Variants in LONP1 observed in about 807,000 individuals in gnomAD.
The protein encoded by LONP1 is lon peptidase 1, mitochondrial, also known as lon protease homolog, mitochondrial.
LONP1 carries 31 observed loss-of-function variants against 98.5 expected under a neutral mutation model. That is an observed-to-expected ratio of 0.31 (90% CI 0.24 to 0.42). The LOEUF is 0.42. Ranked by LOEUF, LONP1 falls within the 20% of genes least tolerant of loss-of-function variation. LONP1 has a pLI of 1.00. For missense variants in LONP1, 1,336 were observed against 1,350.6 expected (o/e 0.99, Z 0.17); for synonymous variants, 781 against 594.7 (o/e 1.31, Z -4.56).
At chr19:5,710,618 T>A (rs1219243095) in intron 4 of LONP1, among the ~76,000 whole-genome samples, 1 of 152,068 alleles carries the variant, frequency 6.6e-6, no homozygotes, top group Non-Finnish European at 1.5e-5. Context: ...GCTCAAGTGA[T>A]CCTCCTTCCT....
chr19:5,698,489 T>C (rs1458722111), intron 10 of LONP1, among the ~76,000 whole-genome samples: 1 of 152,110 alleles, frequency 6.6e-6, no homozygotes, highest in African/African-American at 2.4e-5. Flanking sequence ...GGCGCTGAAC[T>C]CTGAGGGCCG....
At chr19:5,720,283 G>C (rs868048324), upstream of LONP1, 11 of 1,138,734 alleles carry the variant, frequency 9.7e-6, no homozygotes, top group African/African-American at 1.6e-4. Context: ...AAGAGGGGGC[G>C]GAGTTCGAGC....
intron 1 of LONP1, among the ~76,000 whole-genome samples, chr19:5,718,012 C>T (rs1244506262): frequency 6.6e-6 from 1 of 151,690 alleles, no homozygotes; most frequent in African/African-American, 2.4e-5. Context: ...GCCCAGCCCA[C>T]ATGGCCTCAT....
rs754688324 is a variant in LONP1, at chr19:5,707,793, C to A, written c.966G>T (p.Gln322His). The A allele has an allele frequency of 6.2e-7, 1 of 1,613,166 alleles. No individual in the cohort carries two copies. The highest frequency in any genetic ancestry group is 1.7e-5 in the Admixed American group (1 of 60,008). ...GGTAGATGGGGTTGTCCACCACCCG[C>A]TGGCCAGCCTGCATCATCTGCAGCA... ...ESVLQMMQAG[Q>H]RVVDNPIYLS... Residue 322 changes from glutamine (Q) to histidine (H), a missense_variant, in exon 6 of 18, where the codon CAG becomes CAT. Gln to His is a conservative substitution (Grantham distance 24). Around this residue, in one of 5 missense-constraint regions of LONP1, gnomAD observed 97 missense variants for 139.0 expected, o/e 0.70. Coordinates refer to ENST00000360614, the MANE Select transcript of LONP1 (RefSeq NM_004793.4).
chr19:5,717,888 TTTC>T (rs1245957029), intron 1 of LONP1, among the ~76,000 whole-genome samples: 16 of 137,470 alleles, frequency 1.2e-4, no homozygotes, highest in African/African-American at 2.7e-4. Context: ...CTTTTCTTTC[TTTC>T]TTTTTTTTTT....
At chr19:5,701,614 G>A (rs973338672) in intron 8 of LONP1, among the ~76,000 whole-genome samples, 1 of 152,226 alleles carries the variant, frequency 6.6e-6, no homozygotes, top group African/African-American at 2.4e-5. Flanking sequence ...ATTGCAGACG[G>A]AGTCTCGTTC....
At chr19:5,711,061 T>C (rs1599474994) in intron 4 of LONP1, among the ~76,000 whole-genome samples, 1 of 148,118 alleles carries the variant, frequency 6.8e-6, no homozygotes, top group Non-Finnish European at 1.5e-5. Flanking sequence ...CTCGCAGGGG[T>C]AGTGGGGCAG....
chr19:5,692,849 G>A (rs2054853540), intron 17 of LONP1, among the ~76,000 whole-genome samples: 3 of 152,216 alleles, frequency 2.0e-5, no homozygotes, highest in South Asian at 2.1e-4. Context: ...AGGCTTCCTA[G>A]ACACATGGCA....
upstream of LONP1, chr19:5,720,418 G>A (rs2055427243): frequency 1.7e-6 from 1 of 580,496 alleles, no homozygotes; most frequent in Non-Finnish European, 3.0e-6. Flanking sequence ...CAAACGCAAC[G>A]TTTAGGAACT....
intron 5 of LONP1, chr19:5,708,035 G>A (rs947459325): frequency 1.4e-5 from 9 of 633,194 alleles, no homozygotes; most frequent in East Asian, 8.3e-5. Context: ...GCATCCTCAC[G>A]TGCAGCCACC....
In LONP1 at chr19:5,696,474, G is replaced by A. The variant is rs565383463; in HGVS notation, c.1774-103C>T. On this transcript the variant is annotated intron_variant, in intron 11 of 17. Coordinates refer to ENST00000360614, the MANE Select transcript of LONP1 (RefSeq NM_004793.4). ...GGCTGGGGAGACCCCGAGTGAGAGC[G>A]GCACCCACACCCTGCCTTGGACGGG... The A allele has an allele frequency of 2.1e-4, 313 of 1,479,746 alleles. 3 individuals are homozygous for A. The South Asian group carries it at 2.6e-3, about 12-fold the overall frequency. 91.7% of individuals were successfully genotyped at this position (1,479,746 alleles called of 1,614,324 possible). A position where few individuals can be genotyped will look rare whatever the true frequency, so the allele number is the denominator to read the frequency against.
At chr19:5,702,721 C>CA (rs1377436575) in intron 8 of LONP1, among the ~76,000 whole-genome samples, 1 of 151,936 alleles carries the variant, frequency 6.6e-6, no homozygotes, top group Non-Finnish European at 1.5e-5. Context: ...ACCTTACCCC[C>CA]AACCCTGTGC....
chr19:5,696,402 CGCCGTGCCCCTG>C (rs1410698695), intron 11 of LONP1, 31 bp from the exon 12 acceptor site: 30 of 1,606,724 alleles, frequency 1.9e-5, no homozygotes, highest in Non-Finnish European at 2.3e-5. Flanking sequence ...TGGTGCCCCT[CGCCGTGCCCCTG>C]GCCAGCCCGC....
At position 5,694,524 on chromosome 19, in the gene LONP1, A is replaced by G. The variant is rs759513140; in HGVS notation, c.2183T>C (p.Val728Ala). 3 of 1,612,784 alleles carry G rather than the reference A, an allele frequency of 1.9e-6. No homozygotes were observed. Among genetic ancestry groups the G allele is most frequent in the Non-Finnish European group, 2.5e-6 (3 of 1,179,954 alleles). The change falls in exon 15 of 18, where the codon GTC becomes GCC. Residue 728 changes from valine (V) to alanine (A), a missense_variant. Physicochemically the swap from Val to Ala is moderately conservative, Grantham distance 64. Around this residue, in one of 5 missense-constraint regions of LONP1, gnomAD observed 555 missense variants for 542.6 expected, o/e 1.02. Transcript: ENST00000360614. ...KVLRKSAYKIVSGEAESVEVT... is the reference protein window; with the variant it reads ...KVLRKSAYKIASGEAESVEVT... ...CTCCACGGACTCGGCCTCGCCGCTG[A>G]CAATCTTGTAGGCCGATTTCCGTAA... is the stretch of plus-strand genomic sequence containing the variant.
At chr19:5,719,638 T>A (rs1192871738) in intron 1 of LONP1, 66 bp downstream of exon 1, 7 of 1,611,132 alleles carry the variant, frequency 4.3e-6, no homozygotes, top group Admixed American at 3.3e-5. Flanking sequence ...GCTCAAGTGA[T>A]CCCACGGTTC....
Position 5,711,897 on chromosome 19 carries a change from G to A in LONP1, c.744C>T (p.Asp248=), listed in dbSNP as rs767943349. The A allele has an allele frequency of 6.3e-5, 101 of 1,613,158 alleles. 2 individuals carry two copies. The South Asian group carries it at 8.8e-4, about 14-fold the overall frequency. The part of the protein sequence containing the change: ...KSKRGKKEAE[D]ELSARHPAEL... Reference sequence around the variant, plus strand: ...CCGCCGGGTGCCTGGCGCTCAGCTCGTCCTCCGCCTCCTTCTTGCCCCGCT... The same window carrying A: ...CCGCCGGGTGCCTGGCGCTCAGCTCATCCTCCGCCTCCTTCTTGCCCCGCT... The change falls in exon 4 of 18, where the codon GAC becomes GAT. Residue 248 remains aspartate (D), a synonymous_variant. Coordinates refer to ENST00000360614, the MANE Select transcript of LONP1 (RefSeq NM_004793.4).
At chr19:5,706,843 T>C (rs1410436736) in intron 7 of LONP1, among the ~76,000 whole-genome samples, 1 of 152,252 alleles carries the variant, frequency 6.6e-6, no homozygotes, top group African/African-American at 2.4e-5. Flanking sequence ...CTCATTACAC[T>C]GGGACCAGCT....
intron 17 of LONP1, among the ~76,000 whole-genome samples, chr19:5,692,746 A>G (rs1329705549): frequency 6.6e-6 from 1 of 152,084 alleles, no homozygotes; most frequent in Non-Finnish European, 1.5e-5. Context: ...CCATTTTATC[A>G]TCTAGGAAGT....
At chr19:5,706,802 T>C (rs935481563) in intron 7 of LONP1, among the ~76,000 whole-genome samples, 1 of 152,200 alleles carries the variant, frequency 6.6e-6, no homozygotes, top group African/African-American at 2.4e-5. Flanking sequence ...TCCCTTAATG[T>C]TGGACGGTCC....
Sources: allele counts gnomAD v4.1 joint callset (sites outside exome capture counted in the v4.1 genomes callset), GRCh38; gene constraint gnomAD v4.1.1; regional missense constraint gnomAD v4.1.1; transcripts MANE v1.5; gene names NCBI Gene and HGNC (gene_info 2026-07-23, HGNC 2026-07-21).